The following TDRP variants were observed in gnomAD, a reference collection of about 807,000 sequenced individuals.
The protein encoded by TDRP is testis development related protein.
Under a neutral mutation model 10.5 loss-of-function variants are expected in TDRP, and 12 were observed. That is an observed-to-expected ratio of 1.15 (90% confidence interval 0.73 to 1.86). The LOEUF (loss-of-function observed/expected upper bound fraction) is 1.86. TDRP is among the 40% of genes most tolerant of loss of function. TDRP has a pLI of 0.00. For synonymous variants in TDRP, 139 were observed against 95.4 expected (o/e 1.46, Z -2.67); for missense variants, 353 against 229.2 (o/e 1.54, Z -3.49).
intron 1 of TDRP, among the ~76,000 whole-genome samples, chr8:540,107 A>G (rs1473312391): frequency 6.6e-6 from 1 of 152,214 alleles, no homozygotes; most frequent in Non-Finnish European, 1.5e-5. Flanking sequence ...TAAACCATCC[A>G]TGTTGAACAG....
intron 1 of TDRP, among the ~76,000 whole-genome samples, chr8:525,574 T>G (rs942296190): frequency 3.3e-5 from 5 of 152,196 alleles, no homozygotes; most frequent in African/African-American, 1.2e-4. Context: ...TGTAGAGTTT[T>G]TACTAGTTTT....
At chr8:506,417 C>G (rs972317284) in intron 1 of TDRP, among the ~76,000 whole-genome samples, 1 of 152,158 alleles carries the variant, frequency 6.6e-6, no homozygotes, top group Non-Finnish European at 1.5e-5. Context: ...CCAGGAGGAA[C>G]TGGACTTCAG....
chr8:529,636 G>A (rs13258819), intron 1 of TDRP, among the ~76,000 whole-genome samples: 10,177 of 152,218 alleles, frequency 0.067, 424 homozygotes, highest in Middle Eastern at 0.11. Context: ...GCCAGCTACA[G>A]TATTCTTGGC....
chr8:537,744 C>T (rs1439734365), intron 1 of TDRP, among the ~76,000 whole-genome samples: 1 of 152,182 alleles, frequency 6.6e-6, no homozygotes, highest in Non-Finnish European at 1.5e-5. Context: ...GGACATTTCC[C>T]AGAGGAGACG....
chr8:529,024 T>C (rs1020722064), intron 1 of TDRP, among the ~76,000 whole-genome samples: 3 of 152,142 alleles, frequency 2.0e-5, no homozygotes, highest in African/African-American at 4.8e-5. Context: ...GAGAAAGATA[T>C]AGGCTGGGAG....
chr8:514,104 G>A (rs1801690220), intron 1 of TDRP, among the ~76,000 whole-genome samples: 1 of 152,118 alleles, frequency 6.6e-6, no homozygotes, highest in South Asian at 2.1e-4. Flanking sequence ...ACTCTAAGAT[G>A]CATACAAAAT....
At chr8:494,088 C>G (rs187545312) in intron 2 of TDRP, among the ~76,000 whole-genome samples, 5 of 146,730 alleles carry the variant, frequency 3.4e-5, no homozygotes, top group Non-Finnish European at 5.9e-5. Context: ...TCCCGAGTAG[C>G]TGGGATTATA....
chr8:544,819 G>C lies in TDRP; in HGVS notation c.-62C>G. ...CGGGCTGTGGCTCCGCGTCCCTCCC[G>C]GCCGCCGGACGCTCTGCCTGCGGCT... On this transcript the variant is annotated 5_prime_UTR_variant, in exon 1 of 3. Coordinates refer to ENST00000324079, the MANE Select transcript of TDRP (RefSeq NM_001384899.1). The C allele has an allele frequency of 8.6e-7, 1 of 1,160,910 alleles. No individual in the cohort carries two copies. 71.9% of individuals were successfully genotyped at this position (1,160,910 alleles called of 1,614,324 possible).
chr8:538,440 T>C (rs769947988), intron 1 of TDRP, among the ~76,000 whole-genome samples: 24 of 152,202 alleles, frequency 1.6e-4, no homozygotes, highest in Non-Finnish European at 2.9e-4. Context: ...ATGTGTCAGA[T>C]GGTGGCACCA....
chr8:533,355 C>T (rs760001872), intron 1 of TDRP, among the ~76,000 whole-genome samples: 3 of 152,176 alleles, frequency 2.0e-5, no homozygotes, highest in Non-Finnish European at 4.4e-5. Flanking sequence ...GAGTTCCTTG[C>T]GACTGTCAGG....
chr8:500,934 C>T (rs73672335), intron 1 of TDRP, among the ~76,000 whole-genome samples: 2,626 of 152,312 alleles, frequency 0.017, 72 homozygotes, highest in African/African-American at 0.059. Context: ...AGGCCGGGCG[C>T]GGTGTCTCAC....
chr8:523,947 G>C (rs991264573), intron 1 of TDRP, among the ~76,000 whole-genome samples: 1 of 152,192 alleles, frequency 6.6e-6, no homozygotes, highest in East Asian at 1.9e-4. Flanking sequence ...AGGGCCTTTA[G>C]CGAACAAAAG....
chr8:529,497 G>A (rs1232496022), intron 1 of TDRP, among the ~76,000 whole-genome samples: 1 of 151,930 alleles, frequency 6.6e-6, no homozygotes, highest in Non-Finnish European at 1.5e-5. Context: ...TTGCTATTTA[G>A]CATCCTTTCA....
At chr8:496,352 T>C (rs1228472998) in intron 1 of TDRP, among the ~76,000 whole-genome samples, 1 of 152,212 alleles carries the variant, frequency 6.6e-6, no homozygotes, top group Non-Finnish European at 1.5e-5. Context: ...TTCTAGAGGC[T>C]AACCCATCTG....
At chr8:508,629 C>T (rs535266120) in intron 1 of TDRP, among the ~76,000 whole-genome samples, 12 of 152,276 alleles carry the variant, frequency 7.9e-5, no homozygotes, top group African/African-American at 2.6e-4. Flanking sequence ...GCCCTTGATA[C>T]ATTGCGATTA....
Position 492,330 on chromosome 8 carries a change from G to T in TDRP, c.*69C>A, listed in dbSNP as rs1801000828. Reference sequence around the variant, plus strand: ...TCTCTATTCTTTCTAACGCGGAAAAGACTCAACAACTACATGGTATACTCA... The same window carrying T: ...TCTCTATTCTTTCTAACGCGGAAAATACTCAACAACTACATGGTATACTCA... On this transcript the variant is annotated 3_prime_UTR_variant, in exon 3 of 3. Coordinates refer to ENST00000324079, the MANE Select transcript of TDRP (RefSeq NM_001384899.1). The T allele has an allele frequency of 9.3e-6, 13 of 1,393,624 alleles. No individual in the cohort carries two copies. The highest frequency in any genetic ancestry group is 1.2e-5 in the Non-Finnish European group (13 of 1,069,996). The allele number at this position is 1,393,624 out of a possible 1,614,324, so 86.3% of individuals were successfully genotyped here.
chr8:519,518 A>G (rs1166787767), intron 1 of TDRP, among the ~76,000 whole-genome samples: 2 of 152,078 alleles, frequency 1.3e-5, no homozygotes, highest in Non-Finnish European at 2.9e-5. Flanking sequence ...GTTGTACAAC[A>G]GATCTCTAAA....
At position 494,385 on chromosome 8, in the gene TDRP, C is replaced by T. The variant is rs1215574649; in HGVS notation, c.212+109G>A. ...GGAAACATGGACTCGCCGCGCCCCA[C>T]AATGCCTCCAGTTACACTGCATTTA... On this transcript the variant is annotated intron_variant, in intron 2 of 2. Coordinates refer to ENST00000324079, the MANE Select transcript of TDRP (RefSeq NM_001384899.1). The T allele has an allele frequency of 1.5e-5, 16 of 1,081,120 alleles. No homozygotes were observed. In the East Asian group the frequency reaches 4.0e-4, roughly 27 times the overall value. 67.0% of individuals were successfully genotyped at this position (1,081,120 alleles called of 1,614,324 possible).
At chr8:540,937 A>C (rs1802474987) in intron 1 of TDRP, among the ~76,000 whole-genome samples, 3 of 152,214 alleles carry the variant, frequency 2.0e-5, no homozygotes, top group African/African-American at 7.2e-5. Context: ...TTAACATCAC[A>C]CTGACTGACA....
Sources: allele counts gnomAD v4.1 joint callset (sites outside exome capture counted in the v4.1 genomes callset), GRCh38; gene constraint gnomAD v4.1.1; transcripts MANE v1.5; gene names NCBI Gene and HGNC (gene_info 2026-07-23, HGNC 2026-07-21).